Variants in SEMA3A observed in about 807,000 individuals in gnomAD.
SEMA3A encodes semaphorin 3A, also known as semaphorin-3A.
SEMA3A carries 29 observed loss-of-function variants against 97.9 expected under a neutral mutation model. The ratio of observed to expected loss-of-function variants is 0.30; its 90% confidence interval spans 0.22 to 0.40. The LOEUF (loss-of-function observed/expected upper bound fraction) is 0.40, where lower values mean the gene tolerates loss of function less well. SEMA3A is among the 10% of genes least tolerant of loss of function. The pLI, the probability that SEMA3A is intolerant of heterozygous loss-of-function variation, is 1.00. For synonymous variants in SEMA3A, 321 were observed against 323.7 expected, an observed-to-expected ratio of 0.99 and a Z score of 0.09; for missense variants, 763 against 951.3, an observed-to-expected ratio of 0.80 and a Z score of 2.60.
At chr7:84,115,280 A>G (rs1353570797) in intron 3 of SEMA3A, among the ~76,000 whole-genome samples, 1 of 152,076 alleles carries the variant, frequency 6.6e-6, no homozygotes, top group African/African-American at 2.4e-5. Flanking sequence ...CTCTCTGTAC[A>G]AGGCTCCCAA....
chr7:84,416,739 G>A (rs997863681), intron 1 of SEMA3A, among the ~76,000 whole-genome samples: 1 of 152,130 alleles, frequency 6.6e-6, no homozygotes, highest in Non-Finnish European at 1.5e-5. Context: ...GATTGGAAAA[G>A]TTAAAGTTAC....
intron 3 of SEMA3A, among the ~76,000 whole-genome samples, chr7:84,216,820 A>G (rs560541430): frequency 6.6e-6 from 1 of 152,260 alleles, no homozygotes; most frequent in African/African-American, 2.4e-5. Context: ...ATAAAAAGGA[A>G]TGTCCTCAGA....
chr7:84,185,487 C>A (rs1260727833), intron 1 of SEMA3A, among the ~76,000 whole-genome samples: 1 of 151,274 alleles, frequency 6.6e-6, no homozygotes, highest in Non-Finnish European at 1.5e-5. Context: ...GCCTGGACAA[C>A]ATAGTGAAAC....
intron 4 of SEMA3A, among the ~76,000 whole-genome samples, chr7:84,070,397 C>A (rs897665533): frequency 6.6e-6 from 1 of 152,030 alleles, no homozygotes; most frequent in South Asian, 2.1e-4. Context: ...AAATTATAAA[C>A]CATTGGTGAC....
At position 84,142,195 on chromosome 7, in the gene SEMA3A, C is replaced by T. The variant is rs370410082; in HGVS notation, c.113-7244G>A. On this transcript the variant is annotated intron_variant, in intron 1 of 16. Transcript: ENST00000265362. ...TATGATTCAGATTGTTATCACTTAA[C>T]GGTCATTCACCTACTAAGTCAACAA... Among the ~76,000 whole-genome samples the T allele has an allele frequency of 9.9e-5, 15 of 152,258 alleles. No homozygotes were observed. The East Asian group carries it at 1.7e-3, about 18-fold the overall frequency.
intron 1 of SEMA3A, among the ~76,000 whole-genome samples, chr7:84,481,823 A>T (rs1421157381): frequency 6.6e-6 from 1 of 151,904 alleles, no homozygotes; most frequent in Admixed American, 6.6e-5. Flanking sequence ...CACTCAAAAG[A>T]AGACAGCAAA....
chr7:84,413,489 G>T (rs1804337725), intron 1 of SEMA3A, among the ~76,000 whole-genome samples: 1 of 152,040 alleles, frequency 6.6e-6, no homozygotes, highest in Admixed American at 6.6e-5. Flanking sequence ...TTAGCTAGGT[G>T]TGATGGCATG....
chr7:84,459,573 G>A (rs1805771563), intron 1 of SEMA3A, among the ~76,000 whole-genome samples: 2 of 152,130 alleles, frequency 1.3e-5, no homozygotes, highest in South Asian at 4.1e-4. Flanking sequence ...CAGAGGAATT[G>A]AAAGAAATAC....
At chr7:84,407,569 A>G (rs1804132372) in intron 1 of SEMA3A, among the ~76,000 whole-genome samples, 1 of 151,366 alleles carries the variant, frequency 6.6e-6, no homozygotes, top group Non-Finnish European at 1.5e-5. Context: ...GAACCAAAAA[A>G]GAGCCCACAT....
intron 6 of SEMA3A, among the ~76,000 whole-genome samples, chr7:84,045,534 T>C (rs1792314886): frequency 6.6e-6 from 1 of 151,554 alleles, no homozygotes; most frequent in Non-Finnish European, 1.5e-5. Context: ...GAACTCTAGG[T>C]AGAAGGATAT....
intron 2 of SEMA3A, among the ~76,000 whole-genome samples, chr7:84,334,538 C>T (rs917765961): frequency 1.3e-5 from 2 of 151,770 alleles, no homozygotes; most frequent in African/African-American, 4.8e-5. Context: ...ACTCTTCCTC[C>T]ACCTGTTCCC....
In SEMA3A at chr7:84,062,752, C is replaced by G. The variant is rs1039379338; in HGVS notation, c.454-2194G>C. On this transcript the variant is annotated intron_variant, in intron 4 of 16. Coordinates refer to ENST00000265362, the MANE Select transcript of SEMA3A (RefSeq NM_006080.3). ...CGCATCACGAGATTATATCCCGCAC[C>G]TGGCTTGGAGGGTCCTACACCCACG... Among the ~76,000 whole-genome samples, 9 of 152,328 alleles carry G rather than the reference C, an allele frequency of 5.9e-5. No homozygotes were observed. In the South Asian group the frequency reaches 1.7e-3, roughly 28 times the overall value.
chr7:84,399,723 C>T (rs1320961685), intron 1 of SEMA3A, among the ~76,000 whole-genome samples: 4 of 152,164 alleles, frequency 2.6e-5, no homozygotes, highest in Non-Finnish European at 5.9e-5. Flanking sequence ...CAGGACTCAC[C>T]ACTAGGTGCT....
At chr7:84,150,611 T>A (rs1391459263) in intron 1 of SEMA3A, among the ~76,000 whole-genome samples, 1 of 152,114 alleles carries the variant, frequency 6.6e-6, no homozygotes, top group Admixed American at 6.5e-5. Flanking sequence ...TCTCGCTGAT[T>A]GCTAGCACAG....
Position 83,960,788 on chromosome 7 carries a change from G to A in SEMA3A, c.*583C>T, listed in dbSNP as rs928929123. 1 of 150,928 alleles carries A rather than the reference G, an allele frequency of 6.6e-6. No individual in the cohort carries two copies. The highest frequency in any genetic ancestry group is 2.5e-5 in the African/African-American group (1 of 40,252). The allele number at this position is 150,928 out of a possible 1,614,324, so 9.3% of individuals were successfully genotyped here. A position where few individuals can be genotyped will look rare whatever the true frequency, so the allele number is the denominator to read the frequency against. ...AAGAAGACATCAGTAGTAGATCAGT[G>A]TATTCCATTTTTCTTCTGGATGATG... On this transcript the variant is annotated 3_prime_UTR_variant, in exon 17 of 17. Coordinates refer to ENST00000265362, the MANE Select transcript of SEMA3A (RefSeq NM_006080.3).
At chr7:84,480,588 G>A (rs1432233518) in intron 1 of SEMA3A, among the ~76,000 whole-genome samples, 1 of 152,150 alleles carries the variant, frequency 6.6e-6, no homozygotes, top group Non-Finnish European at 1.5e-5. Context: ...GGCCTGAGCA[G>A]AAGATTAGAG....
At position 84,296,330 on chromosome 7, in the gene SEMA3A, G is replaced by A. The variant is rs1800869875; in HGVS notation, c.-83+10877C>T. On this transcript the variant is annotated intron_variant, in intron 3 of 3. Coordinates refer to the SEMA3A transcript ENST00000424555. The stretch of plus-strand genomic sequence containing the variant: ...ATATCAAAATGGCCGCTTCACATGT[G>A]TACCCTCTTTGTAATCATAAATTTG... 2.0e-5 allele frequency among the ~76,000 whole-genome samples: 3 copies of A among 152,086 alleles called. 1 individual carries two copies. The highest frequency in any genetic ancestry group is 4.8e-5 in the African/African-American group (2 of 41,404).
At chr7:84,129,031 CA>C (rs1437595557) in intron 3 of SEMA3A, 91 bp downstream of exon 3, 5 of 997,422 alleles carry the variant, frequency 5.0e-6, no homozygotes, top group Non-Finnish European at 6.3e-6. Flanking sequence ...CCCACACACA[CA>C]AAAAAATCAG....
At chr7:84,097,474 G>A (rs1794810737) in intron 4 of SEMA3A, among the ~76,000 whole-genome samples, 2 of 152,088 alleles carry the variant, frequency 1.3e-5, no homozygotes, top group South Asian at 4.1e-4. Context: ...TTCAGTGGCA[G>A]CAAAAGGCAT....
Sources: gnomAD v4.1 joint callset for allele counts (sites outside exome capture counted in the v4.1 genomes callset) on GRCh38, gnomAD v4.1.1 for gene constraint, MANE v1.5 for transcripts, NCBI Gene and HGNC (gene_info 2026-07-23, HGNC 2026-07-21) for gene names.